Variants in PCDH9 observed in about 807,000 individuals in gnomAD.
PCDH9 encodes protocadherin 9, also known as protocadherin-9.
Under a neutral mutation model 70.6 loss-of-function variants are expected in PCDH9, and 24 were observed. The ratio of observed to expected loss-of-function variants is 0.34; its 90% confidence interval spans 0.25 to 0.48. The LOEUF is 0.48. Ranked by LOEUF, PCDH9 falls within the 20% of genes least tolerant of loss-of-function variation. The pLI is 0.99. For missense variants in PCDH9, 1,281 were observed against 1,503.6 expected, an observed-to-expected ratio of 0.85 and a Z score of 2.45; for synonymous variants, 562 against 558.5, an observed-to-expected ratio of 1.01 and a Z score of -0.09.
At chr13:66,740,409 C>A (rs1175589494) in intron 3 of PCDH9, among the ~76,000 whole-genome samples, 2 of 97,640 alleles carry the variant, frequency 2.0e-5, no homozygotes, top group Non-Finnish European at 4.4e-5. Context: ...AAATTGACAC[C>A]CTAACATCAC....
chr13:67,191,605 A>G (rs888348525), intron 2 of PCDH9, among the ~76,000 whole-genome samples: 10 of 152,130 alleles, frequency 6.6e-5, no homozygotes, highest in African/African-American at 1.9e-4. Context: ...TGTGCTCACC[A>G]TAAGTTAACA....
chr13:66,719,633 T>C (rs185421305), intron 3 of PCDH9, among the ~76,000 whole-genome samples: 1 of 152,332 alleles, frequency 6.6e-6, no homozygotes, highest in Admixed American at 6.5e-5. Flanking sequence ...AGTAGCCTGA[T>C]TGGACCAGTT....
chr13:67,086,689 C>G (rs2086114719), intron 2 of PCDH9, among the ~76,000 whole-genome samples: 1 of 152,010 alleles, frequency 6.6e-6, no homozygotes, highest in Non-Finnish European at 1.5e-5. Context: ...AAGGCAAAGT[C>G]ATCAATATAA....
At chr13:66,959,955 A>G (rs1050556679) in intron 2 of PCDH9, among the ~76,000 whole-genome samples, 1 of 152,138 alleles carries the variant, frequency 6.6e-6, no homozygotes, top group Non-Finnish European at 1.5e-5. Flanking sequence ...GAACATTGTC[A>G]TTTCTTAGTG....
intron 4 of PCDH9, among the ~76,000 whole-genome samples, chr13:66,481,209 C>G (rs1044338211): frequency 5.3e-5 from 8 of 150,978 alleles, no homozygotes; most frequent in Non-Finnish European, 5.9e-5. Flanking sequence ...ATGCAAATGA[C>G]GGGTTGATGG....
intron 3 of PCDH9, among the ~76,000 whole-genome samples, chr13:66,744,286 G>C (rs1048297471): frequency 6.6e-6 from 1 of 152,086 alleles, no homozygotes; most frequent in Non-Finnish European, 1.5e-5. Flanking sequence ...AAATAAGCCC[G>C]ACAGAACCAA....
intron 3 of PCDH9, among the ~76,000 whole-genome samples, chr13:66,769,223 A>G (rs1455658297): frequency 6.6e-6 from 1 of 152,032 alleles, no homozygotes; most frequent in East Asian, 1.9e-4. Context: ...AATATGAAAA[A>G]AAAATGTTCT....
At chr13:67,053,913 A>G (rs2085370125) in intron 2 of PCDH9, among the ~76,000 whole-genome samples, 1 of 152,226 alleles carries the variant, frequency 6.6e-6, no homozygotes, top group South Asian at 2.1e-4. Context: ...TTAAAAATCA[A>G]TATAAGCTAG....
At chr13:67,004,165 G>C (rs1179485807) in intron 2 of PCDH9, among the ~76,000 whole-genome samples, 1 of 151,660 alleles carries the variant, frequency 6.6e-6, no homozygotes, top group East Asian at 1.9e-4. Flanking sequence ...ATATACATTT[G>C]CTTAGTGCAA....
intron 2 of PCDH9, among the ~76,000 whole-genome samples, chr13:67,034,926 T>C (rs1489323686): frequency 6.6e-6 from 1 of 151,454 alleles, no homozygotes; most frequent in Non-Finnish European, 1.5e-5. Context: ...ATCATGCCTA[T>C]GAAAAAAAAA....
At chr13:67,199,370 T>G (rs990163731) in intron 2 of PCDH9, among the ~76,000 whole-genome samples, 6 of 151,864 alleles carry the variant, frequency 4.0e-5, no homozygotes, top group African/African-American at 1.4e-4. Flanking sequence ...TCCCCTGCAC[T>G]CTATTCTTCT....
At chr13:66,627,286 C>T (rs938002992) in intron 4 of PCDH9, among the ~76,000 whole-genome samples, 3 of 152,068 alleles carry the variant, frequency 2.0e-5, no homozygotes, top group Admixed American at 6.5e-5. Context: ...CAACAAATTC[C>T]ACTGAATTCA....
chr13:66,752,520 C>T (rs2079476651), intron 3 of PCDH9, among the ~76,000 whole-genome samples: 1 of 152,172 alleles, frequency 6.6e-6, no homozygotes, highest in Middle Eastern at 3.2e-3. Flanking sequence ...TAGTCTAGAA[C>T]TCCTGAGCTG....
At chr13:66,353,498 G>A (rs1956327042) in intron 4 of PCDH9, among the ~76,000 whole-genome samples, 1 of 152,178 alleles carries the variant, frequency 6.6e-6, no homozygotes, top group South Asian at 2.1e-4. Flanking sequence ...ATTCAATTCA[G>A]ATTTTTGACT....
chr13:66,449,516 C>G (rs1215878124), intron 4 of PCDH9, among the ~76,000 whole-genome samples: 2 of 152,142 alleles, frequency 1.3e-5, no homozygotes, highest in South Asian at 2.1e-4. Flanking sequence ...TGACTTCCAT[C>G]ATTTTCCACT....
At chr13:67,031,876 A>T (rs560489891) in intron 2 of PCDH9, among the ~76,000 whole-genome samples, 15 of 152,278 alleles carry the variant, frequency 9.9e-5, no homozygotes, top group Admixed American at 3.3e-4. Flanking sequence ...TTTTGAAACT[A>T]TGCCTGTCAA....
rs886245687 is a variant in PCDH9, at chr13:67,119,731, T to C, written c.3036+105674A>G. 5.9e-5 allele frequency among the ~76,000 whole-genome samples: 9 copies of C among 152,170 alleles called. No homozygotes were observed. In the South Asian group the frequency reaches 1.9e-3, roughly 31 times the overall value. Reference sequence around the variant, plus strand: ...CCTGAGAAATGGAACTCACATATTTTAGAATTGCCTAAGCAATTATTTGTT... The same window carrying C: ...CCTGAGAAATGGAACTCACATATTTCAGAATTGCCTAAGCAATTATTTGTT... On this transcript the variant is annotated intron_variant, in intron 2 of 4. Transcript: ENST00000377865.
Position 66,408,741 on chromosome 13 carries a change from A to T in PCDH9, c.3341-103713T>A, listed in dbSNP as rs202138424. 1.5e-4 allele frequency among the ~76,000 whole-genome samples: 23 copies of T among 151,528 alleles called. No individual in the cohort carries two copies. In the East Asian group the frequency reaches 3.7e-3, roughly 24 times the overall value. The stretch of plus-strand genomic sequence containing the variant: ...TTTCTTCTTCTGCCTTTTTTTTTTC[A>T]AATAATAATTATGGAAGTCACATAC... On this transcript the variant is annotated intron_variant, in intron 4 of 4. Transcript: ENST00000377865.
intron 4 of PCDH9, among the ~76,000 whole-genome samples, chr13:66,516,121 G>A (rs1359109809): frequency 6.6e-6 from 1 of 152,070 alleles, no homozygotes; most frequent in African/African-American, 2.4e-5. Flanking sequence ...TATCAACATG[G>A]AAATTGTGTA....
Sources: allele counts gnomAD v4.1 joint callset (sites outside exome capture counted in the v4.1 genomes callset), GRCh38; gene constraint gnomAD v4.1.1; transcripts MANE v1.5; gene names NCBI Gene and HGNC (gene_info 2026-07-23, HGNC 2026-07-21).